Variants in NRG3 observed in about 807,000 individuals in gnomAD.
NRG3 encodes the protein pro-neuregulin-3, membrane-bound isoform.
NRG3 carries 31 observed loss-of-function variants against 66.9 expected under a neutral mutation model. That is an observed-to-expected ratio of 0.46 (90% CI 0.35 to 0.63). The LOEUF is 0.63. Among genes scored for constraint, NRG3 ranks in the 20% least tolerant of loss-of-function variants. The pLI is 0.00. For missense variants in NRG3, 910 were observed against 878.9 expected, an observed-to-expected ratio of 1.04 and a Z score of -0.45; for synonymous variants, 393 against 359.4, an observed-to-expected ratio of 1.09 and a Z score of -1.06.
intron 2 of NRG3, among the ~76,000 whole-genome samples, chr10:82,431,916 A>C (rs982369340): frequency 6.6e-6 from 1 of 152,218 alleles, no homozygotes; most frequent in Non-Finnish European, 1.5e-5. Context: ...ATTTACTTAC[A>C]TATATTGATC....
intron 4 of NRG3, among the ~76,000 whole-genome samples, chr10:82,923,558 T>A (rs931871542): frequency 6.6e-6 from 1 of 152,196 alleles, no homozygotes; most frequent in African/African-American, 2.4e-5. Flanking sequence ...TGTTGCTCAA[T>A]CAATAATTGT....
At position 82,379,644 on chromosome 10, in the gene NRG3, T is replaced by C. The variant is rs894784206; in HGVS notation, c.953+20776T>C. 2.4e-4 allele frequency among the ~76,000 whole-genome samples: 37 copies of C among 152,002 alleles called. 1 individual carries two copies. Among genetic ancestry groups the C allele is most frequent in the Non-Finnish European group, 1.0e-4 (7 of 67,974 alleles). On this transcript the variant is annotated intron_variant, in intron 2 of 8. Coordinates refer to ENST00000372141, the MANE Select transcript of NRG3 (RefSeq NM_001010848.4). ...GAAATTTTATATTTTGACTCAAATG[T>C]AGAATTTGGGGAAGAAGGACTCTGG...
In NRG3 at chr10:81,875,804, G is replaced by A. The variant is rs576193261; in HGVS notation, c.464G>A (p.Ser155Asn). The change falls in exon 1 of 9, where the codon AGC becomes AAC. Residue 155 changes from serine to asparagine, a missense_variant. Physicochemically the swap from Ser to Asn is conservative, Grantham distance 46. Transcript: ENST00000372141. The surrounding 1 kb of genome is among the most constrained non-coding windows in gnomAD (Gnocchi z 5.3). ...TCCTCCAGGACGCCCAACCGGATTA[G>A]CACTCGCCTGACCACCATCACGCGG... is the stretch of plus-strand genomic sequence containing the variant. ...AASSRTPNRISTRLTTITRAP... is the reference protein window; with the variant it reads ...AASSRTPNRINTRLTTITRAP... 2.5e-6 allele frequency: 4 copies of A among 1,609,774 alleles called. No individual in the cohort carries two copies. In the East Asian group the frequency reaches 8.9e-5, roughly 36 times the overall value.
chr10:82,600,897 T>A (rs2047584902), intron 2 of NRG3, among the ~76,000 whole-genome samples: 1 of 152,096 alleles, frequency 6.6e-6, no homozygotes. Flanking sequence ...ACCAATATAG[T>A]GAACATAGAA....
At chr10:82,498,401 A>G (rs1270250475) in intron 2 of NRG3, among the ~76,000 whole-genome samples, 7 of 151,344 alleles carry the variant, frequency 4.6e-5, no homozygotes, top group Admixed American at 3.3e-4. Context: ...AGAAGTATGC[A>G]GAAGTTAGAA....
At chr10:82,555,455 A>G (rs1382514145) in intron 2 of NRG3, among the ~76,000 whole-genome samples, 3 of 152,208 alleles carry the variant, frequency 2.0e-5, no homozygotes, top group Non-Finnish European at 4.4e-5. Flanking sequence ...TATACTGTAA[A>G]GAAAAATGAA....
chr10:82,796,197 T>C (rs537374813), intron 3 of NRG3, among the ~76,000 whole-genome samples: 1 of 152,300 alleles, frequency 6.6e-6, no homozygotes, highest in South Asian at 2.1e-4. Flanking sequence ...TCCTGAAGTA[T>C]CAATTTTACT....
In NRG3 at chr10:82,540,603, G is replaced by T. The variant is rs143953972; in HGVS notation, c.953+181735G>T. 3.5e-3 allele frequency among the ~76,000 whole-genome samples: 532 copies of T among 152,132 alleles called. 4 individuals are homozygous for T. The highest frequency in any genetic ancestry group is 0.013 in the African/African-American group (523 of 41,530). On this transcript the variant is annotated intron_variant, in intron 2 of 8. Coordinates refer to ENST00000372141, the MANE Select transcript of NRG3 (RefSeq NM_001010848.4). ...TGTTGGAGCCCAGGTGGAGTAAGGG[G>T]ACATCCACCCAGGGAAGGGCGGAGA...
chr10:81,981,233 A>C (rs2060322480), intron 1 of NRG3, among the ~76,000 whole-genome samples: 1 of 152,122 alleles, frequency 6.6e-6, no homozygotes, highest in African/African-American at 2.4e-5. Flanking sequence ...GCAGAATTTC[A>C]CTCCAGCTGT....
chr10:82,330,915 T>A (rs931380843), intron 1 of NRG3, among the ~76,000 whole-genome samples: 1 of 152,230 alleles, frequency 6.6e-6, no homozygotes, highest in African/African-American at 2.4e-5. Context: ...TCTAGTGGTC[T>A]AGTCTGTGTT....
intron 4 of NRG3, among the ~76,000 whole-genome samples, chr10:82,938,955 T>C (rs1848331428): frequency 6.6e-6 from 1 of 152,164 alleles, no homozygotes; most frequent in Non-Finnish European, 1.5e-5. Flanking sequence ...AGTTAACAGA[T>C]CTTTTAAAAG....
At chr10:82,796,747 T>C (rs2060817079) in intron 3 of NRG3, among the ~76,000 whole-genome samples, 1 of 151,708 alleles carries the variant, frequency 6.6e-6, no homozygotes, top group Admixed American at 6.6e-5. Flanking sequence ...TTCCTAAAAG[T>C]ACAAAGAAAC....
chr10:82,962,480 G>A (rs1488921330), intron 6 of NRG3, among the ~76,000 whole-genome samples: 1 of 152,040 alleles, frequency 6.6e-6, no homozygotes, highest in Non-Finnish European at 1.5e-5. Context: ...AGTTTATGGG[G>A]GAGGTAACAT....
intron 1 of NRG3, among the ~76,000 whole-genome samples, chr10:82,302,562 A>G (rs1246630373): frequency 3.9e-5 from 6 of 152,172 alleles, no homozygotes; most frequent in Non-Finnish European, 5.9e-5. Flanking sequence ...GATTAATAAA[A>G]AGTTCAATTT....
intron 1 of NRG3, among the ~76,000 whole-genome samples, chr10:82,134,878 T>G (rs1018498894): frequency 1.4e-4 from 21 of 152,026 alleles, no homozygotes; most frequent in African/African-American, 4.8e-4. Context: ...ATCCCAGTAC[T>G]TTGGGAGGCT....
intron 1 of NRG3, among the ~76,000 whole-genome samples, chr10:82,103,207 AT>A (rs1168643461): frequency 1.3e-5 from 2 of 151,754 alleles, no homozygotes; most frequent in African/African-American, 4.8e-5. Flanking sequence ...CAGAGTCATG[AT>A]TTTTTCATTC....
At chr10:82,149,776 T>A (rs913522719) in intron 1 of NRG3, among the ~76,000 whole-genome samples, 22 of 152,092 alleles carry the variant, frequency 1.4e-4, no homozygotes, top group Admixed American at 9.2e-4. Flanking sequence ...ATTTCCACAG[T>A]GTTTTTATGA....
At chr10:82,734,382 A>G (rs2058057803) in intron 2 of NRG3, among the ~76,000 whole-genome samples, 1 of 152,202 alleles carries the variant, frequency 6.6e-6, no homozygotes, top group Admixed American at 6.5e-5. Context: ...CTACACAACC[A>G]AGTGATTGGA....
chr10:82,738,949 G>T (rs2058288696), intron 3 of NRG3, among the ~76,000 whole-genome samples: 1 of 152,158 alleles, frequency 6.6e-6, no homozygotes. Flanking sequence ...CATTTCAAAA[G>T]CAGGGATCTA....
Sources: gnomAD v4.1 joint callset for allele counts (sites outside exome capture counted in the v4.1 genomes callset) on GRCh38, gnomAD v4.1.1 for gene constraint, Gnocchi (gnomAD v3.1) non-coding constraint, MANE v1.5 for transcripts, NCBI Gene and HGNC (gene_info 2026-07-23, HGNC 2026-07-21) for gene names.